AGPAT4: variants seen among roughly 807,000 people sequenced by gnomAD.
The protein encoded by AGPAT4 is 1-acylglycerol-3-phosphate O-acyltransferase 4, also known as 1-acyl-sn-glycerol-3-phosphate acyltransferase delta.
In AGPAT4, 15 loss-of-function variants were observed where a neutral mutation model predicts 48.0. The observed-to-expected ratio is 0.31, with a 90% CI of 0.21 to 0.48. AGPAT4 has a LOEUF of 0.48. Ranked by LOEUF, AGPAT4 falls within the 20% of genes least tolerant of loss-of-function variation. The probability of loss-of-function intolerance (pLI) is 0.99; values close to 1 mark genes in which losing one functional copy is unlikely to be tolerated. For synonymous variants in AGPAT4, 178 were observed against 198.7 expected, an observed-to-expected ratio of 0.90 and a Z score of 0.88; for missense variants, 314 against 482.5, an observed-to-expected ratio of 0.65 and a Z score of 3.27.
rs1583321337 is a variant in AGPAT4, at chr6:161,197,602, C to T, written c.179-31185G>A. ...GCTCATGTTTTCCTCTCCTGAACCA[C>T]TCTGCCTCCTTGCCAGACATCTTTA... On this transcript the variant is annotated intron_variant, in intron 2 of 8. Transcript: ENST00000320285. The surrounding 1 kb of genome is among the most constrained non-coding windows in gnomAD (Gnocchi z 5.7). 6.6e-6 allele frequency among the ~76,000 whole-genome samples: 1 copy of T among 152,308 alleles called. No homozygotes were observed. Among genetic ancestry groups the T allele is most frequent in the East Asian group, 1.9e-4 (1 of 5,176 alleles).
Position 161,231,855 on chromosome 6 carries a change from T to C in AGPAT4, c.178+181A>G, listed in dbSNP as rs1782132042. ...GTTGAATTTTGAGCTACTGGCATTA[T>C]TCATTCAAAAAATAATTTTGGGGGA... On this transcript the variant is annotated intron_variant, in intron 2 of 8. Transcript: ENST00000320285. The surrounding 1 kb of genome is among the most constrained non-coding windows in gnomAD (Gnocchi z 5.3). Among the ~76,000 whole-genome samples, 1 of 152,184 alleles carries C rather than the reference T, an allele frequency of 6.6e-6. No individual in the cohort carries two copies. Among genetic ancestry groups the C allele is most frequent in the Admixed American group, 6.5e-5 (1 of 15,280 alleles).
At chr6:161,230,557 A>T (rs1370448175) in intron 2 of AGPAT4, among the ~76,000 whole-genome samples, 1 of 152,214 alleles carries the variant, frequency 6.6e-6, no homozygotes, top group Non-Finnish European at 1.5e-5. Context: ...CTCTCTTCAA[A>T]CAGCTACAGT....
At chr6:161,174,191 T>C (rs1301051569) in intron 2 of AGPAT4, among the ~76,000 whole-genome samples, 1 of 152,170 alleles carries the variant, frequency 6.6e-6, no homozygotes. Context: ...AGAAAGTCAT[T>C]GGTAGCTTGA....
At position 161,204,138 on chromosome 6, in the gene AGPAT4, T is replaced by TA. The variant is rs11387015; in HGVS notation, c.178+27897dup. Among the ~76,000 whole-genome samples, 1,836 of 152,282 alleles carry TA rather than the reference T, an allele frequency of 0.012. 38 individuals carry two copies. The highest frequency in any genetic ancestry group is 0.042 in the African/African-American group (1,734 of 41,552). On this transcript the variant is annotated intron_variant, in intron 2 of 8. Coordinates refer to ENST00000320285, the MANE Select transcript of AGPAT4 (RefSeq NM_020133.3). The surrounding 1 kb of genome is among the most constrained non-coding windows in gnomAD (Gnocchi z 4.4). ...AAACACATACTCAGGAATGTGTGCT[T>TA]AAAAAAACTTAAATTTTTCTCAGTT...
rs567494415 is a variant in AGPAT4, at chr6:161,140,948, A to G, written c.844-1328T>C. Among the ~76,000 whole-genome samples the G allele has an allele frequency of 1.3e-5, 2 of 152,338 alleles. No homozygotes were observed. The highest frequency in any genetic ancestry group is 2.1e-4 in the South Asian group (1 of 4,830). Reference sequence around the variant, plus strand: ...CTAGTAATGTCCCAGTTCTCTAAGGAGTCGAGTTTTCTGGAAAATGAGCTT... The same window carrying G: ...CTAGTAATGTCCCAGTTCTCTAAGGGGTCGAGTTTTCTGGAAAATGAGCTT... On this transcript the variant is annotated intron_variant, in intron 7 of 8. Coordinates refer to ENST00000320285, the MANE Select transcript of AGPAT4 (RefSeq NM_020133.3). This position sits in a 1 kb window ranked among gnomAD's most constrained non-coding sequence, Gnocchi z 6.5.
intron 3 of AGPAT4, among the ~76,000 whole-genome samples, chr6:161,156,496 C>T (rs1238202474): frequency 6.6e-6 from 1 of 152,228 alleles, no homozygotes; most frequent in Non-Finnish European, 1.5e-5. Context: ...AACTTGTTTT[C>T]TATGACTGTG....
rs1270051074 is a variant in AGPAT4 at position 161,198,854 on chromosome 6, GGGTAAATATCTT to G, written c.179-32449_179-32438del. On this transcript the variant is annotated intron_variant, in intron 2 of 8. Coordinates refer to ENST00000320285, the MANE Select transcript of AGPAT4 (RefSeq NM_020133.3). This position sits in a 1 kb window ranked among gnomAD's most constrained non-coding sequence, Gnocchi z 4.3. ...AGACAAAATTACATAGCTTATTAAGGGGTAAATATCTTGTTTATATGATCCACGATTCTATAT... is the reference window on the plus strand; with the variant it reads ...AGACAAAATTACATAGCTTATTAAGGGTTTATATGATCCACGATTCTATAT... 6.6e-6 allele frequency among the ~76,000 whole-genome samples: 1 copy of G among 152,058 alleles called. No homozygotes were observed. The highest frequency in any genetic ancestry group is 1.5e-5 in the Non-Finnish European group (1 of 68,006).
chr6:161,250,913 C>T (rs1782788672), intron 1 of AGPAT4, among the ~76,000 whole-genome samples: 2 of 152,166 alleles, frequency 1.3e-5, no homozygotes, highest in Admixed American at 6.5e-5. Flanking sequence ...GTTTCCCCTC[C>T]ATGACTTTTT....
At chr6:161,167,524 A>C (rs1025089589) in intron 2 of AGPAT4, among the ~76,000 whole-genome samples, 2 of 152,204 alleles carry the variant, frequency 1.3e-5, no homozygotes, top group African/African-American at 4.8e-5. Flanking sequence ...GCACTGGGCC[A>C]TGTGCCCCCC....
chr6:161,171,384 CCTT>C lies in AGPAT4; in HGVS notation c.179-4970_179-4968del, dbSNP rs200778430. Among the ~76,000 whole-genome samples, 1,287 of 152,294 alleles carry C rather than the reference CCTT, an allele frequency of 8.5e-3. 22 individuals carry two copies. Among genetic ancestry groups the C allele is most frequent in the African/African-American group, 0.029 (1,201 of 41,562 alleles). Reference sequence around the variant, plus strand: ...TCAAGAGGGCTGCATCTGGCAAGGTCCTTCTTGCTGTGTCATCCCATAGGGGAA... The same window carrying C: ...TCAAGAGGGCTGCATCTGGCAAGGTCCTTGCTGTGTCATCCCATAGGGGAA... On this transcript the variant is annotated intron_variant, in intron 2 of 8. Coordinates refer to ENST00000320285, the MANE Select transcript of AGPAT4 (RefSeq NM_020133.3). The surrounding 1 kb of genome is among the most constrained non-coding windows in gnomAD (Gnocchi z 4.4).
At chr6:161,224,688 G>A (rs1781925259) in intron 2 of AGPAT4, among the ~76,000 whole-genome samples, 1 of 150,582 alleles carries the variant, frequency 6.6e-6, no homozygotes, top group Non-Finnish European at 1.5e-5. Flanking sequence ...CAAGCTCTCT[G>A]AGGGCAGGAC....
rs1779526502 is a variant in AGPAT4, at chr6:161,149,425, TCTATATGG to T, written c.665-144_665-137del. On this transcript the variant is annotated intron_variant, in intron 5 of 8. Coordinates refer to ENST00000320285, the MANE Select transcript of AGPAT4 (RefSeq NM_020133.3). This position sits in a 1 kb window ranked among gnomAD's most constrained non-coding sequence, Gnocchi z 6.5. Reference sequence around the variant, plus strand: ...AATGGTGTGGTCAGATTTCTTTCTTTCTATATGGTCCACATGTTCTACACTGAATGTGT... The same window carrying T: ...AATGGTGTGGTCAGATTTCTTTCTTTTCCACATGTTCTACACTGAATGTGT... 5.8e-6 allele frequency: 4 copies of T among 689,646 alleles called. No homozygotes were observed. The highest frequency in any genetic ancestry group is 9.2e-6 in the Non-Finnish European group (4 of 435,832). The allele number at this position is 689,646 out of a possible 1,614,324, so 42.7% of individuals were successfully genotyped here.
rs1241364564 is a variant in AGPAT4 at position 161,222,496 on chromosome 6, A to ATAATATTT, written c.178+9532_178+9539dup. 6.6e-6 allele frequency among the ~76,000 whole-genome samples: 1 copy of ATAATATTT among 152,128 alleles called. No homozygotes were observed. Among genetic ancestry groups the ATAATATTT allele is most frequent in the African/African-American group, 2.4e-5 (1 of 41,422 alleles). On this transcript the variant is annotated intron_variant, in intron 2 of 8. Transcript: ENST00000320285. This position sits in a 1 kb window ranked among gnomAD's most constrained non-coding sequence, Gnocchi z 5.9. ...TTTTGTATTGTGCTATTTTTACTTAATAATATTTAGGGTATAACGTGGTTC... is the reference window on the plus strand; with the variant it reads ...TTTTGTATTGTGCTATTTTTACTTAATAATATTTTAATATTTAGGGTATAACGTGGTTC...
chr6:161,272,105 GC>G lies in AGPAT4; in HGVS notation c.-90+1832del, dbSNP rs1783442122. ...GGTTTGTTTTGTGCCATGCTATTTT[GC>G]CCCATTTTCAGGTAACTTTTCTACC... On this transcript the variant is annotated intron_variant, in intron 1 of 8. Coordinates refer to ENST00000320285, the MANE Select transcript of AGPAT4 (RefSeq NM_020133.3). The surrounding 1 kb of genome is among the most constrained non-coding windows in gnomAD (Gnocchi z 4.2). Among the ~76,000 whole-genome samples, 1 of 152,028 alleles carries G rather than the reference GC, an allele frequency of 6.6e-6. No homozygotes were observed. Among genetic ancestry groups the G allele is most frequent in the African/African-American group, 2.4e-5 (1 of 41,372 alleles).
intron 2 of AGPAT4, among the ~76,000 whole-genome samples, chr6:161,205,200 G>T (rs1337898790): frequency 6.6e-6 from 1 of 152,112 alleles, no homozygotes; most frequent in African/African-American, 2.4e-5. Flanking sequence ...CTCCCTCCTG[G>T]CTGCCCCACC....
At chr6:161,167,513 T>G (rs895543198) in intron 2 of AGPAT4, among the ~76,000 whole-genome samples, 1 of 152,194 alleles carries the variant, frequency 6.6e-6, no homozygotes, top group Non-Finnish European at 1.5e-5. Flanking sequence ...CGTGAGCCAC[T>G]GCACTGGGCC....
Position 161,197,477 on chromosome 6 carries a change from C to T in AGPAT4, c.179-31060G>A, listed in dbSNP as rs1016038798. The stretch of plus-strand genomic sequence containing the variant: ...AAATCTTCCACAGTGATAGCTGCCT[C>T]TTCCGACTCCCAAATGCTCCCAATG... On this transcript the variant is annotated intron_variant, in intron 2 of 8. Transcript: ENST00000320285. This position sits in a 1 kb window ranked among gnomAD's most constrained non-coding sequence, Gnocchi z 5.7. Among the ~76,000 whole-genome samples, 1 of 152,208 alleles carries T rather than the reference C, an allele frequency of 6.6e-6. No homozygotes were observed. Among genetic ancestry groups the T allele is most frequent in the African/African-American group, 2.4e-5 (1 of 41,460 alleles).
chr6:161,269,845 T>C (rs1783373165), intron 1 of AGPAT4, among the ~76,000 whole-genome samples: 1 of 152,166 alleles, frequency 6.6e-6, no homozygotes, highest in East Asian at 1.9e-4. Context: ...GATGGATGTA[T>C]CATGTATGTG....
At chr6:161,227,169 T>C (rs531440994) in intron 2 of AGPAT4, among the ~76,000 whole-genome samples, 1 of 152,104 alleles carries the variant, frequency 6.6e-6, no homozygotes, top group African/African-American at 2.4e-5. Context: ...GCCCACAAAA[T>C]CAGCAGGTCG....
Sources: gnomAD v4.1 joint callset for allele counts (sites outside exome capture counted in the v4.1 genomes callset) on GRCh38, gnomAD v4.1.1 for gene constraint, Gnocchi (gnomAD v3.1) non-coding constraint, MANE v1.5 for transcripts, NCBI Gene and HGNC (gene_info 2026-07-23, HGNC 2026-07-21) for gene names.